Variants in GATB observed in about 807,000 individuals in gnomAD.
The protein encoded by GATB is glutamyl-tRNA(Gln) amidotransferase subunit B, mitochondrial.
Under a neutral mutation model 62.3 loss-of-function variants are expected in GATB, and 39 were observed. The ratio of observed to expected loss-of-function variants is 0.63; its 90% confidence interval spans 0.48 to 0.82. The LOEUF (loss-of-function observed/expected upper bound fraction) is 0.82. GATB is among the 40% of genes least tolerant of loss of function. The probability of loss-of-function intolerance (pLI) is 0.00; values close to 1 mark genes in which losing one functional copy is unlikely to be tolerated. For synonymous variants in GATB, 276 were observed against 258.9 expected (o/e 1.07, Z -0.63); for missense variants, 670 against 684.0 (o/e 0.98, Z 0.23).
chr4:151,680,799 G>A (rs35804417), intron 10 of GATB, among the ~76,000 whole-genome samples: 1,768 of 152,216 alleles, frequency 0.012, 28 homozygotes, highest in African/African-American at 0.04. Flanking sequence ...TCCCTAATCC[G>A]AAAGTCTGAA....
At chr4:151,707,885 GA>G (rs1738744074) in intron 6 of GATB, 102 bp downstream of exon 6, 2 of 752,648 alleles carry the variant, frequency 2.7e-6, no homozygotes, top group Non-Finnish European at 4.6e-6. Context: ...CAGTGAAAAC[GA>G]AAGTAGTTCT....
rs534441316 is a variant in GATB, at chr4:151,710,745, A to T, written c.764-2644T>A. On this transcript the variant is annotated intron_variant, in intron 5 of 12. Coordinates refer to ENST00000263985, the MANE Select transcript of GATB (RefSeq NM_004564.3). Reference sequence around the variant, plus strand: ...CCTCTGGATGCTTTGTTTCCATTTCATTTGCTGATGGCTTCCTTCCCATCC... The same window carrying T: ...CCTCTGGATGCTTTGTTTCCATTTCTTTTGCTGATGGCTTCCTTCCCATCC... Among the ~76,000 whole-genome samples, 310 of 151,826 alleles carry T rather than the reference A, an allele frequency of 2.0e-3. 8 individuals are homozygous for T. The South Asian group carries it at 0.059, about 29-fold the overall frequency.
chr4:151,698,112 T>C lies in GATB; in HGVS notation c.1197+3217A>G, dbSNP rs919246068. 6.6e-5 allele frequency among the ~76,000 whole-genome samples: 10 copies of C among 151,546 alleles called. No homozygotes were observed. In the South Asian group the frequency reaches 2.1e-3, roughly 32 times the overall value. Reference sequence around the variant, plus strand: ...GTTGTCAAAGCATGGTTTATGTATCTGACCTTTGGAAACAGGGATGCTTTT... The same window carrying C: ...GTTGTCAAAGCATGGTTTATGTATCCGACCTTTGGAAACAGGGATGCTTTT... On this transcript the variant is annotated intron_variant, in intron 9 of 12. Coordinates refer to ENST00000263985, the MANE Select transcript of GATB (RefSeq NM_004564.3).
intron 9 of GATB, among the ~76,000 whole-genome samples, chr4:151,697,994 T>C (rs1738522813): frequency 7.2e-6 from 1 of 138,414 alleles, no homozygotes; most frequent in Non-Finnish European, 1.5e-5. Flanking sequence ...TATATATATA[T>C]GAAATGAAGG....
At chr4:151,757,374 T>C (rs899720232) in intron 2 of GATB, among the ~76,000 whole-genome samples, 1 of 151,838 alleles carries the variant, frequency 6.6e-6, no homozygotes, top group South Asian at 2.1e-4. Context: ...GCAGGCATAC[T>C]GGAGGCACTG....
intron 3 of GATB, 178 bp from the exon 4 acceptor site, chr4:151,717,252 T>A: frequency 1.6e-6 from 1 of 612,350 alleles, no homozygotes; most frequent in South Asian, 2.0e-5. Flanking sequence ...TTGAGCCTGG[T>A]CTCTTCTGCC....
chr4:151,715,676 CACTA>C (rs774840109), intron 5 of GATB, among the ~76,000 whole-genome samples: 48 of 152,294 alleles, frequency 3.2e-4, no homozygotes, highest in African/African-American at 6.3e-4. Flanking sequence ...ATACGGTACT[CACTA>C]ACTAAGAACT....
In GATB at chr4:151,719,492, G is replaced by A. The variant is rs985004571; in HGVS notation, c.374C>T (p.Ala125Val). Residue 125 changes from alanine to valine, a missense_variant, in exon 3 of 13, where the codon GCT (alanine) becomes GTT (valine). Coordinates refer to ENST00000263985, the MANE Select transcript of GATB (RefSeq NM_004564.3). ...CTTCTTGTTTATGTGGCAGTTCAGA[G>A]CCAGGCCTGTCATCACCGCCGCTTC... ...CVEAAVMTGL[A>V]LNCHINKKSL... 4.3e-6 allele frequency: 7 copies of A among 1,610,554 alleles called. No individual in the cohort carries two copies. Among genetic ancestry groups the A allele is most frequent in the Non-Finnish European group, 5.9e-6 (7 of 1,178,462 alleles).
At chr4:151,719,363 C>T in intron 3 of GATB, 62 bp downstream of exon 3, 1 of 1,208,206 alleles carries the variant, frequency 8.3e-7, no homozygotes, top group African/African-American at 1.5e-5. Flanking sequence ...CTCCGACCCC[C>T]CACAGCAGGG....
Position 151,758,837 on chromosome 4 carries a change from G to C in GATB, c.262C>G (p.Arg88Gly), listed in dbSNP as rs202123480. The change falls in exon 2 of 13, where the codon CGC becomes GGC. Residue 88 changes from arginine to glycine, a missense_variant. Transcript: ENST00000263985. Reference sequence around the variant, plus strand: ...AAAGAATTTGGAGGTGCTGAAAAGCGAACTTGAGATCCAGAGAAGAGTTTA... The same window carrying C: ...AAAGAATTTGGAGGTGCTGAAAAGCCAACTTGAGATCCAGAGAAGAGTTTA... The part of the protein sequence containing the change: ...NSKLFSGSQV[R>G]FSAPPNSLVS... The C allele has an allele frequency of 3.0e-5, 48 of 1,610,542 alleles. No individual in the cohort carries two copies. Among genetic ancestry groups the C allele is most frequent in the Non-Finnish European group, 4.1e-5 (48 of 1,178,138 alleles).
In GATB at chr4:151,760,763, T is replaced by C. The variant is rs749440962; in HGVS notation, c.176+44A>G. On this transcript the variant is annotated intron_variant, in intron 1 of 12. Transcript: ENST00000263985. The stretch of plus-strand genomic sequence containing the variant: ...GCCATTATTTCCCCAGTCCTGCAGT[T>C]CCACCTCACAGTTAGGTGGGCAGAA... The C allele has an allele frequency of 1.3e-5, 20 of 1,502,644 alleles. No homozygotes were observed. In the East Asian group the frequency reaches 4.3e-4, roughly 32 times the overall value. The allele number at this position is 1,502,644 out of a possible 1,614,324, so 93.1% of individuals were successfully genotyped here. A position where few individuals can be genotyped will look rare whatever the true frequency, so the allele number is the denominator to read the frequency against.
chr4:151,717,017 A>G lies in GATB; in HGVS notation c.499T>C (p.Tyr167His). Residue 167 changes from tyrosine to histidine, a missense_variant, in exon 4 of 13, where the codon TAT (tyrosine) becomes CAT (histidine). Coordinates refer to ENST00000263985, the MANE Select transcript of GATB (RefSeq NM_004564.3). Reference protein sequence around the residue: ...LPIAVNGSLIYGVCAGKKQSQ... With the variant: ...LPIAVNGSLIHGVCAGKKQSQ... ...TGCTTCTTCCCTGCACAGACGCCATATATCAAGCTCCCATTCACAGCAATT... is the reference window on the plus strand; with the variant it reads ...TGCTTCTTCCCTGCACAGACGCCATGTATCAAGCTCCCATTCACAGCAATT... The G allele has an allele frequency of 6.2e-7, 1 of 1,614,140 alleles. No individual in the cohort carries two copies. Among genetic ancestry groups the G allele is most frequent in the Non-Finnish European group, 8.5e-7 (1 of 1,180,012 alleles).
chr4:151,748,733 G>C (rs187376239), intron 2 of GATB, among the ~76,000 whole-genome samples: 2 of 152,242 alleles, frequency 1.3e-5, no homozygotes, highest in East Asian at 3.9e-4. Flanking sequence ...GCAACCTACA[G>C]AATGGGAGAA....
chr4:151,707,960 G>T, intron 6 of GATB, 28 bp downstream of exon 6: 1 of 1,384,220 alleles, frequency 7.2e-7, no homozygotes, highest in Non-Finnish European at 1.0e-6. Flanking sequence ...TAGGAAGAAG[G>T]ACACTAGGAG....
chr4:151,715,606 C>T (rs1020038241), intron 5 of GATB, among the ~76,000 whole-genome samples: 8 of 152,080 alleles, frequency 5.3e-5, no homozygotes, highest in Non-Finnish European at 8.8e-5. Flanking sequence ...GATGAAAAAT[C>T]TACAAAAGGA....
At chr4:151,677,089 A>G (rs1275590859) in intron 11 of GATB, among the ~76,000 whole-genome samples, 1 of 152,136 alleles carries the variant, frequency 6.6e-6, no homozygotes, top group Non-Finnish European at 1.5e-5. Context: ...CTGGTCATCT[A>G]TCTAATCACT....
At chr4:151,728,625 A>G (rs947522772) in intron 2 of GATB, among the ~76,000 whole-genome samples, 3 of 152,174 alleles carry the variant, frequency 2.0e-5, no homozygotes, top group Non-Finnish European at 4.4e-5. Flanking sequence ...GTGTCCTAAA[A>G]TTTACTCAAG....
chr4:151,719,569 G>C (rs780856801), intron 2 of GATB, 31 bp from the exon 3 acceptor site: 1 of 1,450,262 alleles, frequency 6.9e-7, no homozygotes, highest in Non-Finnish European at 9.4e-7. Context: ...GTTCCTCTCA[G>C]AACCGCAGGC....
chr4:151,738,376 C>T (rs1285715470), intron 2 of GATB, among the ~76,000 whole-genome samples: 1 of 152,176 alleles, frequency 6.6e-6, no homozygotes, highest in African/African-American at 2.4e-5. Flanking sequence ...CTCACGAGAT[C>T]TGATGGTTTT....
Sources: gnomAD v4.1 joint callset for allele counts (sites outside exome capture counted in the v4.1 genomes callset) on GRCh38, gnomAD v4.1.1 for gene constraint, MANE v1.5 for transcripts, NCBI Gene and HGNC (gene_info 2026-07-23, HGNC 2026-07-21) for gene names.